The following SYNE1 variants were observed in gnomAD, a reference collection of about 807,000 sequenced individuals.
SYNE1 encodes the protein spectrin repeat containing nuclear envelope protein 1.
SYNE1 carries 616 observed loss-of-function variants against 1,111.0 expected under a neutral mutation model. That is an observed-to-expected ratio of 0.55 (90% CI 0.52 to 0.59). SYNE1 has a LOEUF of 0.59. SYNE1 is among the 20% of genes least tolerant of loss of function. The pLI is 0.00. For missense variants in SYNE1, 10,006 were observed against 10,417.0 expected, an observed-to-expected ratio of 0.96 and a Z score of 1.72; for synonymous variants, 3,855 against 3,825.8, an observed-to-expected ratio of 1.01 and a Z score of -0.28.
At chr6:152,327,024 G>C (rs564465363) in intron 78 of SYNE1, among the ~76,000 whole-genome samples, 4 of 152,280 alleles carry the variant, frequency 2.6e-5, no homozygotes, top group South Asian at 4.1e-4. Flanking sequence ...CAGGCGTGCT[G>C]GCTCATGACT....
chr6:152,130,631 G>T, intron 145 of SYNE1, 89 bp downstream of exon 145: 1 of 1,383,196 alleles, frequency 7.2e-7, no homozygotes, highest in Non-Finnish European at 1.0e-6. Context: ...CCCTGAGGCA[G>T]ACCAGATATA....
At chr6:152,541,960 A>G (rs1287581228) in intron 3 of SYNE1, among the ~76,000 whole-genome samples, 8 of 152,122 alleles carry the variant, frequency 5.3e-5, no homozygotes, top group Non-Finnish European at 8.8e-5. Flanking sequence ...AAAGTTGAAA[A>G]AAAAAGAGAG....
intron 127 of SYNE1, among the ~76,000 whole-genome samples, chr6:152,197,718 G>A (rs1305021920): frequency 6.6e-6 from 1 of 152,102 alleles, no homozygotes; most frequent in Non-Finnish European, 1.5e-5. Context: ...AAACTGTACT[G>A]TAAACAGATA....
At chr6:152,472,238 T>C in intron 15 of SYNE1, 63 bp downstream of exon 15, 1 of 1,372,022 alleles carries the variant, frequency 7.3e-7, no homozygotes, top group Non-Finnish European at 1.0e-6. Flanking sequence ...ATAAAAGAAA[T>C]ATAAAAAGCG....
chr6:152,405,149 G>T (rs889143224), intron 45 of SYNE1, among the ~76,000 whole-genome samples: 2 of 152,212 alleles, frequency 1.3e-5, no homozygotes, highest in Non-Finnish European at 2.9e-5. Flanking sequence ...GAATGGCCCT[G>T]TGGGCACTGG....
At chr6:152,549,688 G>A (rs2099330562) in intron 3 of SYNE1, among the ~76,000 whole-genome samples, 1 of 152,226 alleles carries the variant, frequency 6.6e-6, no homozygotes, top group Non-Finnish European at 1.5e-5. Flanking sequence ...ATCTACAGCT[G>A]TGGGCTTGAG....
intron 129 of SYNE1, among the ~76,000 whole-genome samples, chr6:152,178,430 T>C (rs2067028334): frequency 1.3e-5 from 2 of 152,204 alleles, no homozygotes; most frequent in African/African-American, 4.8e-5. Flanking sequence ...AGTTTTAAGT[T>C]TTACAATATC....
intron 95 of SYNE1, among the ~76,000 whole-genome samples, chr6:152,290,328 A>T (rs944908756): frequency 6.6e-6 from 1 of 152,164 alleles, no homozygotes; most frequent in Non-Finnish European, 1.5e-5. Flanking sequence ...AGGCCGAGGT[A>T]AGTGGATCAC....
intron 3 of SYNE1, among the ~76,000 whole-genome samples, chr6:152,548,727 G>C (rs754667878): frequency 6.6e-6 from 1 of 152,174 alleles, no homozygotes; most frequent in Non-Finnish European, 1.5e-5. Context: ...CCAGAGGACA[G>C]ATTTTAAATT....
At chr6:152,333,684 G>C (rs1197665738) in intron 77 of SYNE1, among the ~76,000 whole-genome samples, 7 of 152,058 alleles carry the variant, frequency 4.6e-5, no homozygotes, top group Admixed American at 2.6e-4. Flanking sequence ...CCAGGCTGGA[G>C]TACAGTGGTG....
At chr6:152,511,265 A>C (rs1316116925) in intron 6 of SYNE1, among the ~76,000 whole-genome samples, 162 bp from the exon 7 acceptor site, 2 of 152,208 alleles carry the variant, frequency 1.3e-5, no homozygotes, top group Non-Finnish European at 2.9e-5. Flanking sequence ...AACAAGCACA[A>C]GGTTTCAGTG....
At chr6:152,609,396 T>C (rs2099625036) in intron 3 of SYNE1, among the ~76,000 whole-genome samples, 1 of 152,094 alleles carries the variant, frequency 6.6e-6, no homozygotes, top group Admixed American at 6.5e-5. Context: ...GATTGAACTG[T>C]GAGGCAGCAG....
At chr6:152,397,965 C>A (rs908127918) in intron 49 of SYNE1, among the ~76,000 whole-genome samples, 1 of 150,190 alleles carries the variant, frequency 6.7e-6, no homozygotes, top group Non-Finnish European at 1.5e-5. Flanking sequence ...CATGCCACTG[C>A]ACTCCAGCCT....
intron 3 of SYNE1, among the ~76,000 whole-genome samples, chr6:152,577,780 G>GT (rs3076666): frequency 3.1e-3 from 455 of 147,080 alleles, no homozygotes; most frequent in African/African-American, 9.0e-3. Flanking sequence ...TTTCTGTTTT[G>GT]TTTTTTTTTT....
intron 45 of SYNE1, among the ~76,000 whole-genome samples, chr6:152,406,547 T>C (rs1018012121): frequency 1.3e-5 from 2 of 151,128 alleles, no homozygotes; most frequent in Admixed American, 6.6e-5. Flanking sequence ...TAGTTAAGAG[T>C]TCTCTAATGC....
intron 145 of SYNE1, among the ~76,000 whole-genome samples, chr6:152,123,035 A>G (rs1194569612): frequency 6.6e-6 from 1 of 152,230 alleles, no homozygotes; most frequent in Non-Finnish European, 1.5e-5. Flanking sequence ...AAATGTAGAT[A>G]TTTGATGCAG....
chr6:152,302,292 C>G (rs2095218691), intron 91 of SYNE1: 2 of 616,482 alleles, frequency 3.2e-6, no homozygotes, highest in Non-Finnish European at 5.8e-6. Flanking sequence ...GTCCCCGCGT[C>G]GGTACAAAAG....
At chr6:152,281,394 A>C (rs1476931984) in intron 97 of SYNE1, among the ~76,000 whole-genome samples, 1 of 152,188 alleles carries the variant, frequency 6.6e-6, no homozygotes, top group South Asian at 2.1e-4. Flanking sequence ...CACTTGGAAA[A>C]GTTTTCCGAA....
intron 22 of SYNE1, among the ~76,000 whole-genome samples, chr6:152,456,490 C>CTA (rs139681123): frequency 0.032 from 4,700 of 147,980 alleles, 140 homozygotes; most frequent in African/African-American, 0.081. Flanking sequence ...AAGAGATGCA[C>CTA]TATATATATA....
Sources: gnomAD v4.1 joint callset for allele counts (sites outside exome capture counted in the v4.1 genomes callset) on GRCh38, gnomAD v4.1.1 for gene constraint, MANE v1.5 for transcripts, NCBI Gene and HGNC (gene_info 2026-07-23, HGNC 2026-07-21) for gene names.